The following AKT3 variants were observed in gnomAD, a reference collection of about 807,000 sequenced individuals.
AKT3 encodes RAC-gamma serine/threonine-protein kinase.
Under a neutral mutation model 65.3 loss-of-function variants are expected in AKT3, and 15 were observed. The ratio of observed to expected loss-of-function variants is 0.23; its 90% CI spans 0.15 to 0.35. The LOEUF is 0.35. AKT3 is among the 10% of genes least tolerant of loss of function. The pLI is 1.00. For missense variants in AKT3, 243 were observed against 576.5 expected, an observed-to-expected ratio of 0.42 and a Z score of 5.92; for synonymous variants, 206 against 183.8, an observed-to-expected ratio of 1.12 and a Z score of -0.98.
At chr1:243,753,828 G>A (rs181489292) in intron 2 of AKT3, among the ~76,000 whole-genome samples, 4 of 152,128 alleles carry the variant, frequency 2.6e-5, no homozygotes, top group Non-Finnish European at 5.9e-5. Flanking sequence ...CAAACCTCCA[G>A]AACTAAATTG....
intron 3 of AKT3, among the ~76,000 whole-genome samples, chr1:243,673,612 T>TA (rs3071254): frequency 2.7e-4 from 5 of 18,526 alleles, no homozygotes; most frequent in Non-Finnish European, 7.7e-4. Flanking sequence ...AATTATGAGA[T>TA]TTTTTTTTTT....
chr1:243,635,041 G>T (rs1164971290), intron 6 of AKT3, among the ~76,000 whole-genome samples: 1 of 151,932 alleles, frequency 6.6e-6, no homozygotes. Flanking sequence ...GTGCATAGGG[G>T]ACGTTCTCCA....
intron 8 of AKT3, among the ~76,000 whole-genome samples, chr1:243,604,636 T>C (rs1677259914): frequency 6.6e-6 from 1 of 152,180 alleles, no homozygotes; most frequent in Admixed American, 6.5e-5. Context: ...CTGGCACCCT[T>C]TGCTTTCCTT....
chr1:243,809,651 A>G (rs1049473754), intron 2 of AKT3, among the ~76,000 whole-genome samples: 2 of 152,236 alleles, frequency 1.3e-5, no homozygotes, highest in African/African-American at 4.8e-5. Flanking sequence ...AAGGATATCC[A>G]GGAATTAAAC....
At chr1:243,622,613 C>T (rs1004356905) in intron 6 of AKT3, among the ~76,000 whole-genome samples, 8 of 152,088 alleles carry the variant, frequency 5.3e-5, no homozygotes, top group Non-Finnish European at 8.8e-5. Context: ...TAGTAAATAA[C>T]GAATAACCTT....
intron 2 of AKT3, among the ~76,000 whole-genome samples, chr1:243,746,167 G>A (rs1269512307): frequency 4.6e-5 from 7 of 151,216 alleles, no homozygotes; most frequent in Non-Finnish European, 7.4e-5. Context: ...TCAAACATAG[G>A]GAGTACTTTA....
At chr1:243,617,415 T>TAA (rs955815311) in intron 6 of AKT3, among the ~76,000 whole-genome samples, 1 of 148,324 alleles carries the variant, frequency 6.7e-6, no homozygotes, top group Middle Eastern at 3.2e-3. Flanking sequence ...TCCATTCACT[T>TAA]AAAAAAAAAA....
At chr1:243,722,239 A>G (rs2148117423) in intron 2 of AKT3, among the ~76,000 whole-genome samples, 1 of 152,318 alleles carries the variant, frequency 6.6e-6, no homozygotes, top group African/African-American at 2.4e-5. Flanking sequence ...AGGTTTTATT[A>G]TATTATGCTT....
chr1:243,850,669 G>C (rs1695745335), upstream of AKT3, among the ~76,000 whole-genome samples: 1 of 151,470 alleles, frequency 6.6e-6, no homozygotes, highest in Non-Finnish European at 1.5e-5. Context: ...GGCGACTGGC[G>C]GGAGCGGCTT....
intron 8 of AKT3, among the ~76,000 whole-genome samples, chr1:243,579,194 G>A (rs1456013669): frequency 1.3e-5 from 2 of 152,128 alleles, no homozygotes; most frequent in East Asian, 3.8e-4. Flanking sequence ...GGAGCAATGG[G>A]TTTTATTTTG....
intron 9 of AKT3, 115 bp from the exon 10 acceptor site, chr1:243,563,963 T>C: frequency 9.1e-6 from 9 of 987,268 alleles, no homozygotes; most frequent in Non-Finnish European, 1.3e-5. Context: ...GACATAGTTG[T>C]AGCTAATAGA....
intron 2 of AKT3, among the ~76,000 whole-genome samples, chr1:243,804,763 C>T (rs758037975): frequency 1.3e-5 from 2 of 151,618 alleles, no homozygotes; most frequent in Non-Finnish European, 2.9e-5. Context: ...AGGAGAACGG[C>T]GTGAACCTGG....
intron 12 of AKT3, 28 bp downstream of exon 12, chr1:243,545,482 T>TAC (rs1393329148): frequency 7.0e-7 from 1 of 1,423,190 alleles, no homozygotes; most frequent in African/African-American, 1.4e-5. Flanking sequence ...CCAAAATATA[T>TAC]ACACACTATG....
intron 2 of AKT3, among the ~76,000 whole-genome samples, chr1:243,828,058 G>A (rs2148440933): frequency 1.1e-5 from 1 of 91,516 alleles, no homozygotes. Flanking sequence ...TCTGAAGAAT[G>A]TTTTAAAAAC....
intron 2 of AKT3, among the ~76,000 whole-genome samples, chr1:243,731,179 GTATC>G (rs1433271040): frequency 6.6e-6 from 1 of 151,844 alleles, no homozygotes; most frequent in Non-Finnish European, 1.5e-5. Context: ...TTATATGTAA[GTATC>G]TACCACATGC....
intron 5 of AKT3, among the ~76,000 whole-genome samples, chr1:243,644,031 G>A (rs576714078): frequency 1.3e-5 from 2 of 152,264 alleles, no homozygotes; most frequent in Admixed American, 1.3e-4. Context: ...AACTTCTGCA[G>A]TAATTTAGAA....
chr1:243,575,827 A>T (rs1304498822), intron 8 of AKT3, among the ~76,000 whole-genome samples: 1 of 152,166 alleles, frequency 6.6e-6, no homozygotes, highest in Admixed American at 6.5e-5. Context: ...ACCTGCACAT[A>T]GTAGGTGATT....
At chr1:243,580,814 C>G (rs1675284279) in intron 8 of AKT3, among the ~76,000 whole-genome samples, 1 of 152,138 alleles carries the variant, frequency 6.6e-6, no homozygotes, top group African/African-American at 2.4e-5. Context: ...TCTCTGGCAT[C>G]CAGAGTAACC....
intron 12 of AKT3, among the ~76,000 whole-genome samples, chr1:243,531,235 C>A (rs999574907): frequency 6.6e-6 from 1 of 151,946 alleles, no homozygotes; most frequent in Admixed American, 6.6e-5. Flanking sequence ...AGACTACAGT[C>A]GTGCACCACC....
Sources: gnomAD v4.1 joint callset for allele counts (sites outside exome capture counted in the v4.1 genomes callset) on GRCh38, gnomAD v4.1.1 for gene constraint, MANE v1.5 for transcripts, NCBI Gene and HGNC (gene_info 2026-07-23, HGNC 2026-07-21) for gene names.